The following CARS2 variants were observed in gnomAD, a reference collection of about 807,000 sequenced individuals.
The protein encoded by CARS2 is probable cysteine--tRNA ligase, mitochondrial.
CARS2 carries 52 observed loss-of-function variants against 68.8 expected under a neutral mutation model. The ratio of observed to expected loss-of-function variants is 0.76; its 90% CI spans 0.61 to 0.95. CARS2 has a LOEUF of 0.95. Ranked by LOEUF, CARS2 falls within the 40% of genes least tolerant of loss-of-function variation. The pLI, the probability that CARS2 is intolerant of heterozygous loss-of-function variation, is 0.00. For synonymous variants in CARS2, 314 were observed against 303.6 expected, an observed-to-expected ratio of 1.03 and a Z score of -0.36; for missense variants, 780 against 754.2, an observed-to-expected ratio of 1.03 and a Z score of -0.40.
rs751754214 is a variant in CARS2, at chr13:110,667,663, A to G, written c.786-190T>C. ...TCCTGTCATCACAAGCCCGTAATTCATGACTTTTCATCCTAGTAAAGGCAC... is the reference window on the plus strand; with the variant it reads ...TCCTGTCATCACAAGCCCGTAATTCGTGACTTTTCATCCTAGTAAAGGCAC... On this transcript the variant is annotated intron_variant, in intron 7 of 14. Transcript: ENST00000257347. Among the ~76,000 whole-genome samples the G allele has an allele frequency of 2.2e-4, 34 of 152,348 alleles. 1 individual carries two copies. The Middle Eastern group carries it at 0.01, about 46-fold the overall frequency.
intron 7 of CARS2, among the ~76,000 whole-genome samples, chr13:110,672,404 A>G (rs2062827059): frequency 6.6e-6 from 1 of 152,244 alleles, no homozygotes; most frequent in African/African-American, 2.4e-5. Context: ...ACTCAGGATT[A>G]AGAAACTCAC....
rs996992529 is a variant in CARS2 at position 110,642,710 on chromosome 13, C to T, written c.1417-189G>A. ...CGCGAGCGCTGGGCTCTGGGCAAGG[C>T]TCCACTCAACTCTGAGCATCTGTCG... On this transcript the variant is annotated intron_variant, in intron 13 of 14. Coordinates refer to ENST00000257347, the MANE Select transcript of CARS2 (RefSeq NM_024537.4). The T allele has an allele frequency of 1.3e-5, 10 of 761,246 alleles. No homozygotes were observed. The Admixed American group carries it at 1.6e-4, about 12-fold the overall frequency. The allele number at this position is 761,246 out of a possible 1,614,324, so 47.2% of individuals were successfully genotyped here.
In CARS2 at chr13:110,644,500, C is replaced by A; in HGVS notation, c.1318-17G>T. 1 of 1,613,600 alleles carries A rather than the reference C, an allele frequency of 6.2e-7. No individual in the cohort carries two copies. Among genetic ancestry groups the A allele is most frequent in the South Asian group, 1.1e-5 (1 of 91,022 alleles). Reference sequence around the variant, plus strand: ...TTCAGGTTCCTGTAAGAGATCATGTCGCAGAAGCTCCTTAAAAGCAGTCTT... The same window carrying A: ...TTCAGGTTCCTGTAAGAGATCATGTAGCAGAAGCTCCTTAAAAGCAGTCTT... On this transcript the variant is annotated splice_polypyrimidine_tract_variant and intron_variant, in intron 12 of 14. Coordinates refer to ENST00000257347, the MANE Select transcript of CARS2 (RefSeq NM_024537.4).
At chr13:110,641,832 C>T (rs1345139563) in intron 14 of CARS2, among the ~76,000 whole-genome samples, 2 of 152,248 alleles carry the variant, frequency 1.3e-5, no homozygotes, top group East Asian at 3.8e-4. Context: ...TCCCCGTGCT[C>T]AGCGTCCCCT....
intron 10 of CARS2, chr13:110,648,391 G>A (rs1398441360): frequency 1.3e-5 from 2 of 152,278 alleles, no homozygotes; most frequent in African/African-American, 4.8e-5. Flanking sequence ...GACGCCTTCT[G>A]CCTCAAGGTC....
At chr13:110,652,332 G>A (rs1449428743) in intron 9 of CARS2, among the ~76,000 whole-genome samples, 2 of 152,258 alleles carry the variant, frequency 1.3e-5, no homozygotes, top group East Asian at 3.8e-4. Flanking sequence ...GCCGGAAACG[G>A]CGGAGTCCAG....
chr13:110,642,573 G>GCCCTGGATGC (rs1887518587), intron 13 of CARS2, 52 bp from the exon 14 acceptor site: 7 of 1,524,114 alleles, frequency 4.6e-6, no homozygotes, highest in African/African-American at 1.4e-5. Flanking sequence ...GATTGTGGAT[G>GCCCTGGATGC]CCCCCTCCCC....
rs866044420 is a variant in CARS2 at position 110,646,927 on chromosome 13, G to A, written c.1193+174C>T. The A allele has an allele frequency of 8.4e-6, 6 of 716,628 alleles. No homozygotes were observed. In the Middle Eastern group the frequency reaches 1.6e-3, roughly 196 times the overall value. 44.4% of individuals were successfully genotyped at this position (716,628 alleles called of 1,614,324 possible). A position where few individuals can be genotyped will look rare whatever the true frequency, so the allele number is the denominator to read the frequency against. ...CTGGGGAGCCCCTGACCCCACACCT[G>A]CACCTCCTGCCCAGCACCCTGTCTC... is the stretch of plus-strand genomic sequence containing the variant. On this transcript the variant is annotated intron_variant, in intron 11 of 14. Transcript: ENST00000257347.
Position 110,642,572 on chromosome 13 carries a change from T to TA in CARS2, c.1417-52_1417-51insT, listed in dbSNP as rs549395705. On this transcript the variant is annotated intron_variant, in intron 13 of 14. Transcript: ENST00000257347. Reference sequence around the variant, plus strand: ...TCCCCCGGAGACTGTGGATTGTGGATGCCCCCTCCCCACCCCGTGGTTGGG... The same window carrying TA: ...TCCCCCGGAGACTGTGGATTGTGGATAGCCCCCTCCCCACCCCGTGGTTGGG... 4.3e-5 allele frequency: 57 copies of TA among 1,334,156 alleles called. 1 individual carries two copies. Among genetic ancestry groups the TA allele is most frequent in the Non-Finnish European group, 4.9e-5 (49 of 990,826 alleles). 82.6% of individuals were successfully genotyped at this position (1,334,156 alleles called of 1,614,324 possible).
chr13:110,689,825 T>G (rs540947001), intron 3 of CARS2, among the ~76,000 whole-genome samples: 4 of 152,240 alleles, frequency 2.6e-5, no homozygotes, highest in Non-Finnish European at 5.9e-5. Context: ...AGTTAATGTA[T>G]GTCTATCCAG....
At position 110,687,984 on chromosome 13, in the gene CARS2, T is replaced by A; in HGVS notation, c.428A>T (p.Tyr143Phe). ...CATGTCCTGCTTGAAGTCTTCCTCA[T>A]AAAGACTGGCGAGGGAAGCGGGGGA... ...NISPASLASL[Y>F]EEDFKQDMAA... Residue 143 changes from tyrosine (Y) to phenylalanine (F), a missense_variant, in exon 4 of 15, where the codon TAT becomes TTT. Tyr to Phe is a conservative substitution (Grantham distance 22). Transcript: ENST00000257347. The A allele has an allele frequency of 1.9e-6, 3 of 1,612,408 alleles. No individual in the cohort carries two copies. The highest frequency in any genetic ancestry group is 2.5e-6 in the Non-Finnish European group (3 of 1,179,460).
rs895929942 is a variant in CARS2 at position 110,665,429 on chromosome 13, G to A, written c.919+1911C>T. 41 of 984,678 alleles carry A rather than the reference G, an allele frequency of 4.2e-5. No homozygotes were observed. Among genetic ancestry groups the A allele is most frequent in the African/African-American group, 1.9e-4 (11 of 57,220 alleles). The allele number at this position is 984,678 out of a possible 1,614,324, so 61.0% of individuals were successfully genotyped here. On this transcript the variant is annotated intron_variant, in intron 8 of 14. Coordinates refer to ENST00000257347, the MANE Select transcript of CARS2 (RefSeq NM_024537.4). The surrounding 1 kb of genome is among the most constrained non-coding windows in gnomAD (Gnocchi z 4.3). ...CCACTGCACTCCCAGGCTGGGGGAC[G>A]GAGCGAAATTGTTTCAACAACAACA...
intron 1 of CARS2, chr13:110,712,989 GC>G: frequency 6.5e-7 from 1 of 1,549,816 alleles, no homozygotes; most frequent in Non-Finnish European, 8.7e-7. Flanking sequence ...TAGGTCTCCC[GC>G]GCACTCTGCG....
rs929842738 is a variant in CARS2, at chr13:110,644,391, AT to A, written c.1409del (p.Asn470IlefsTer48). On this transcript the variant is annotated frameshift_variant, in exon 13 of 15. Transcript: ENST00000257347. LOFTEE classifies it high-confidence loss of function. ...FFETVGISLA[N>X]QQYVSGDGSE... ...TTAAAATAATAGGACCTACCTGTTGATTTGCCAGAGAAATTCCAACAGTTTC... is the reference window on the plus strand; with the variant it reads ...TTAAAATAATAGGACCTACCTGTTGATTGCCAGAGAAATTCCAACAGTTTC... 1 of 1,613,558 alleles carries A rather than the reference AT, an allele frequency of 6.2e-7. No homozygotes were observed. The highest frequency in any genetic ancestry group is 8.5e-7 in the Non-Finnish European group (1 of 1,179,636).
intron 3 of CARS2, among the ~76,000 whole-genome samples, chr13:110,696,580 T>A (rs1171460194): frequency 6.6e-6 from 1 of 152,238 alleles, no homozygotes; most frequent in Non-Finnish European, 1.5e-5. Flanking sequence ...AGATACATGT[T>A]TTATTACATT....
At chr13:110,655,521 A>G (rs966949739) in intron 9 of CARS2, among the ~76,000 whole-genome samples, 2 of 152,202 alleles carry the variant, frequency 1.3e-5, no homozygotes, top group African/African-American at 4.8e-5. Context: ...AAACTACACG[A>G]CTGTGTGTGA....
In CARS2 at chr13:110,682,709, T is replaced by C. The variant is rs535299174; in HGVS notation, c.655+342A>G. Among the ~76,000 whole-genome samples the C allele has an allele frequency of 1.6e-4, 25 of 152,236 alleles. No individual in the cohort carries two copies. The South Asian group carries it at 5.2e-3, about 32-fold the overall frequency. On this transcript the variant is annotated intron_variant, in intron 6 of 14. Coordinates refer to ENST00000257347, the MANE Select transcript of CARS2 (RefSeq NM_024537.4). ...ACACGTATGGGAATTAAATGTACGG[T>C]AACACAGAAGAACGCGAAAATATGA...
At chr13:110,642,733 T>C (rs1040693588) in intron 13 of CARS2, 4 of 755,130 alleles carry the variant, frequency 5.3e-6, no homozygotes, top group Admixed American at 5.2e-5. Flanking sequence ...TGAGCATCTG[T>C]CGTCCAAGCA....
chr13:110,683,467 T>C (rs2063212140), intron 5 of CARS2, among the ~76,000 whole-genome samples: 2 of 152,168 alleles, frequency 1.3e-5, no homozygotes, highest in South Asian at 4.1e-4. Context: ...ATAAGATAAA[T>C]GCATGATTTG....
Sources: allele counts gnomAD v4.1 joint callset (sites outside exome capture counted in the v4.1 genomes callset), GRCh38; gene constraint gnomAD v4.1.1; non-coding constraint Gnocchi (gnomAD v3.1); transcripts MANE v1.5; gene names NCBI Gene and HGNC (gene_info 2026-07-23, HGNC 2026-07-21).